BACH2: variants seen among roughly 807,000 people sequenced by gnomAD.
BACH2 encodes the protein transcription regulator protein BACH2.
Under a neutral mutation model 61.8 loss-of-function variants are expected in BACH2, and 5 were observed. The observed-to-expected ratio is 0.08, with a 90% confidence interval of 0.04 to 0.17. BACH2 has a LOEUF of 0.17. BACH2 is among the 10% of genes least tolerant of loss of function. The pLI is 1.00. For synonymous variants in BACH2, 446 were observed against 440.1 expected (o/e 1.01, Z -0.17); for missense variants, 824 against 1,091.1 (o/e 0.76, Z 3.45).
At chr6:90,159,497 G>A (rs1458334402) in intron 4 of BACH2, among the ~76,000 whole-genome samples, 1 of 152,196 alleles carries the variant, frequency 6.6e-6, no homozygotes, top group Non-Finnish European at 1.5e-5. Flanking sequence ...CCCTTTGTCT[G>A]CATTCTCTAG....
intron 3 of BACH2, among the ~76,000 whole-genome samples, chr6:90,220,264 CT>C (rs1769696148): frequency 6.6e-6 from 1 of 152,152 alleles, no homozygotes; most frequent in South Asian, 2.1e-4. Flanking sequence ...AATTAGGTCA[CT>C]TTTCTTCCTG....
At chr6:90,092,771 T>C (rs1332052159) in intron 4 of BACH2, among the ~76,000 whole-genome samples, 1 of 152,228 alleles carries the variant, frequency 6.6e-6, no homozygotes, top group Non-Finnish European at 1.5e-5. Flanking sequence ...GGCTACGAAC[T>C]AGCTGCCTGA....
At chr6:90,216,784 G>T (rs1195667560) in intron 3 of BACH2, among the ~76,000 whole-genome samples, 2 of 152,138 alleles carry the variant, frequency 1.3e-5, no homozygotes, top group African/African-American at 4.8e-5. Context: ...GGGGACATCT[G>T]GCAATGCTGT....
intron 8 of BACH2, among the ~76,000 whole-genome samples, chr6:89,936,922 C>T (rs1773061873): frequency 6.6e-6 from 1 of 152,052 alleles, no homozygotes; most frequent in Non-Finnish European, 1.5e-5. Context: ...TTCAGCCTGA[C>T]ACAGACATGG....
intron 5 of BACH2, among the ~76,000 whole-genome samples, chr6:90,057,124 G>A (rs188812962): frequency 3.4e-4 from 52 of 152,192 alleles, no homozygotes; most frequent in South Asian, 1.9e-3. Context: ...ACCGAGATCA[G>A]AGCAGAACTG....
intron 5 of BACH2, among the ~76,000 whole-genome samples, chr6:90,023,994 C>T (rs1669721880): frequency 6.6e-6 from 1 of 152,190 alleles, no homozygotes; most frequent in African/African-American, 2.4e-5. Flanking sequence ...AATAGAGGCT[C>T]CATTTAGAGC....
intron 3 of BACH2, among the ~76,000 whole-genome samples, chr6:90,226,769 T>C (rs939868739): frequency 4.6e-5 from 7 of 152,120 alleles, no homozygotes; most frequent in East Asian, 1.9e-4. Flanking sequence ...TCACAGCTCA[T>C]TGCAGCCTCA....
chr6:90,054,661 G>A (rs996064759), intron 5 of BACH2, among the ~76,000 whole-genome samples: 14 of 152,198 alleles, frequency 9.2e-5, no homozygotes, highest in East Asian at 1.9e-4. Context: ...ATCTGAGAAC[G>A]GGCATACTGC....
At chr6:90,279,729 T>C (rs551826771) in intron 1 of BACH2, among the ~76,000 whole-genome samples, 2 of 152,322 alleles carry the variant, frequency 1.3e-5, no homozygotes, top group South Asian at 4.1e-4. Context: ...TGAGACGTTT[T>C]CTCCATTTTT....
intron 6 of BACH2, among the ~76,000 whole-genome samples, chr6:89,988,421 A>G (rs181519770): frequency 2.6e-4 from 39 of 152,326 alleles, no homozygotes; most frequent in African/African-American, 9.1e-4. Context: ...TGGGCTTGAC[A>G]TAATAACTGA....
chr6:90,001,966 C>T (rs1777154887), intron 6 of BACH2, among the ~76,000 whole-genome samples: 1 of 152,222 alleles, frequency 6.6e-6, no homozygotes, highest in Non-Finnish European at 1.5e-5. Context: ...ACTCAAAAAG[C>T]CTTATTCTCT....
At chr6:90,034,975 C>T (rs1438007571) in intron 5 of BACH2, among the ~76,000 whole-genome samples, 1 of 152,006 alleles carries the variant, frequency 6.6e-6, no homozygotes, top group East Asian at 1.9e-4. Flanking sequence ...AACATAGAAA[C>T]ATAACCTATA....
Position 90,134,791 on chromosome 6 carries a change from T to C in BACH2, c.-161-45682A>G, listed in dbSNP as rs918696094. Among the ~76,000 whole-genome samples, 5 of 152,198 alleles carry C rather than the reference T, an allele frequency of 3.3e-5. No homozygotes were observed. The East Asian group carries it at 5.8e-4, about 18-fold the overall frequency. On this transcript the variant is annotated intron_variant, in intron 4 of 8. Transcript: ENST00000257749. ...TGAAGCCTTGTGCAAATAACTGGCA[T>C]GTGCTTTGGTCAGGGCAGGTAGCCT...
In BACH2 at chr6:90,008,933, T is replaced by C. The variant is rs1410212610; in HGVS notation, c.-12-77A>G. 4.0e-6 allele frequency: 6 copies of C among 1,515,200 alleles called. No individual in the cohort carries two copies. The East Asian group carries it at 6.9e-5, about 17-fold the overall frequency. The allele number at this position is 1,515,200 out of a possible 1,614,324, so 93.9% of individuals were successfully genotyped here. ...CAGCTGTAGGATCAGAGAGAGGAGG[T>C]GAGAAAGAACATCATGGTTCCTGTG... On this transcript the variant is annotated intron_variant, in intron 5 of 8. Transcript: ENST00000257749. This position sits in a 1 kb window ranked among gnomAD's most constrained non-coding sequence, Gnocchi z 4.1.
chr6:90,206,923 A>G (rs1486838592), intron 3 of BACH2, among the ~76,000 whole-genome samples: 2 of 152,186 alleles, frequency 1.3e-5, no homozygotes, highest in African/African-American at 4.8e-5. Context: ...GTGTACCATA[A>G]GGGAATTCAG....
chr6:89,961,274 G>T (rs749400863), intron 6 of BACH2, among the ~76,000 whole-genome samples: 1 of 150,180 alleles, frequency 6.7e-6, no homozygotes, highest in Non-Finnish European at 1.5e-5. Context: ...ATAAGTGTAG[G>T]TCTTAAAATA....
chr6:90,122,606 G>A (rs968272563), intron 4 of BACH2, among the ~76,000 whole-genome samples: 2 of 152,174 alleles, frequency 1.3e-5, no homozygotes. Flanking sequence ...AATTTCTACT[G>A]AGACATTAGT....
intron 1 of BACH2, among the ~76,000 whole-genome samples, chr6:90,279,518 G>A (rs775240229): frequency 5.8e-4 from 49 of 84,550 alleles, no homozygotes; most frequent in African/African-American, 2.1e-3. Context: ...GCGAGACTCC[G>A]TCTCAAAAAA....
intron 5 of BACH2, among the ~76,000 whole-genome samples, chr6:90,045,921 T>C (rs560329880): frequency 4.4e-4 from 67 of 152,320 alleles, no homozygotes; most frequent in African/African-American, 1.6e-3. Flanking sequence ...AAAATTTCCA[T>C]TCATTCCCAT....
Sources: allele counts gnomAD v4.1 joint callset (sites outside exome capture counted in the v4.1 genomes callset), GRCh38; gene constraint gnomAD v4.1.1; non-coding constraint Gnocchi (gnomAD v3.1); transcripts MANE v1.5; gene names NCBI Gene and HGNC (gene_info 2026-07-23, HGNC 2026-07-21).